The following GRID2 variants were observed in gnomAD, a reference collection of about 807,000 sequenced individuals.
GRID2 encodes glutamate ionotropic receptor delta type subunit 2.
GRID2 carries 33 observed loss-of-function variants against 114.8 expected under a neutral mutation model. The observed-to-expected ratio is 0.29, with a 90% CI of 0.22 to 0.38. GRID2 has a LOEUF of 0.38. GRID2 is among the 10% of genes least tolerant of loss of function. The pLI is 1.00. For missense variants in GRID2, 1,184 were observed against 1,257.7 expected (o/e 0.94, Z 0.89); for synonymous variants, 505 against 449.9 (o/e 1.12, Z -1.55).
At chr4:92,595,133 A>T (rs1728884964) in intron 2 of GRID2, among the ~76,000 whole-genome samples, 1 of 152,170 alleles carries the variant, frequency 6.6e-6, no homozygotes, top group Middle Eastern at 3.4e-3. Flanking sequence ...CCTAAAAATA[A>T]GCTGCATCGT....
rs1745284143 is a variant in GRID2, at chr4:93,224,697, C to T, written c.1047C>T (p.Ser349=). The part of the protein sequence containing the change: ...HKKLEDRKWH[S]MASLSCIRKN... ...AGCTGGAGGACCGAAAGTGGCACAGCATGGCAAGTCTGTCATGTATCAGAA... is the reference window on the plus strand; with the variant it reads ...AGCTGGAGGACCGAAAGTGGCACAGTATGGCAAGTCTGTCATGTATCAGAA... Residue 349 remains serine (S), a synonymous_variant, in exon 7 of 16, where the codon AGC becomes AGT. Coordinates refer to ENST00000282020, the MANE Select transcript of GRID2 (RefSeq NM_001510.4). The T allele has an allele frequency of 4.3e-6, 7 of 1,611,950 alleles. No homozygotes were observed. The highest frequency in any genetic ancestry group is 4.2e-6 in the Non-Finnish European group (5 of 1,178,294).
intron 2 of GRID2, among the ~76,000 whole-genome samples, chr4:93,025,206 T>C (rs949841007): frequency 1.3e-5 from 2 of 151,666 alleles, no homozygotes. Flanking sequence ...CAAATGTGTT[T>C]GGAAACATTT....
intron 2 of GRID2, among the ~76,000 whole-genome samples, chr4:92,776,872 G>T (rs1003447887): frequency 6.6e-6 from 1 of 151,910 alleles, no homozygotes; most frequent in East Asian, 1.9e-4. Context: ...AAGAACTAAA[G>T]AAATGCTTTT....
chr4:93,540,175 C>T (rs1279708295), intron 13 of GRID2, among the ~76,000 whole-genome samples: 1 of 151,904 alleles, frequency 6.6e-6, no homozygotes, highest in Non-Finnish European at 1.5e-5. Context: ...TTAACTTCAA[C>T]AGCACTTTAT....
chr4:92,721,132 G>T (rs1230983796), intron 2 of GRID2, among the ~76,000 whole-genome samples: 1 of 152,058 alleles, frequency 6.6e-6, no homozygotes, highest in African/African-American at 2.4e-5. Context: ...AGGTAAAATG[G>T]TAGTTGCCAA....
At chr4:93,018,600 C>G (rs562023975) in intron 2 of GRID2, among the ~76,000 whole-genome samples, 13 of 152,152 alleles carry the variant, frequency 8.5e-5, no homozygotes, top group African/African-American at 3.1e-4. Context: ...TAAAATAGCA[C>G]AATTCACCAG....
intron 1 of GRID2, among the ~76,000 whole-genome samples, chr4:92,573,388 C>A (rs1727725737): frequency 6.6e-6 from 1 of 151,866 alleles, no homozygotes; most frequent in South Asian, 2.1e-4. Flanking sequence ...TTCTCTAGTT[C>A]TTTTGTTGTG....
At chr4:93,205,436 C>T (rs1013138995) in intron 4 of GRID2, among the ~76,000 whole-genome samples, 1 of 152,002 alleles carries the variant, frequency 6.6e-6, no homozygotes, top group African/African-American at 2.4e-5. Flanking sequence ...CGATAGTTTG[C>T]TGAGAATGAT....
chr4:93,341,609 C>A (rs1759664372), intron 8 of GRID2, among the ~76,000 whole-genome samples: 1 of 152,192 alleles, frequency 6.6e-6, no homozygotes, highest in Non-Finnish European at 1.5e-5. Flanking sequence ...TAGGCGTGAG[C>A]CACTGTTCCC....
At chr4:92,657,466 C>T (rs1002920189) in intron 2 of GRID2, among the ~76,000 whole-genome samples, 13 of 151,560 alleles carry the variant, frequency 8.6e-5, no homozygotes, top group African/African-American at 9.7e-5. Context: ...AAGCAGATAG[C>T]GTCCTAGATC....
At chr4:92,682,682 G>GCACACACA (rs57217377) in intron 2 of GRID2, among the ~76,000 whole-genome samples, 4,703 of 142,730 alleles carry the variant, frequency 0.033, 66 homozygotes, top group Admixed American at 0.045. Context: ...AAATCGCAGG[G>GCACACACA]CACACACACA....
intron 2 of GRID2, among the ~76,000 whole-genome samples, chr4:93,033,348 A>G (rs543088356): frequency 6.6e-6 from 1 of 152,330 alleles, no homozygotes; most frequent in East Asian, 1.9e-4. Context: ...CACCGCAGGA[A>G]GAAGTACCTA....
intron 14 of GRID2, among the ~76,000 whole-genome samples, chr4:93,667,525 T>A (rs1053881463): frequency 3.3e-5 from 5 of 151,928 alleles, no homozygotes; most frequent in Non-Finnish European, 7.4e-5. Context: ...GGGCTTAAAT[T>A]ATCAAAAGAG....
At chr4:93,280,905 C>T (rs954168040) in intron 8 of GRID2, among the ~76,000 whole-genome samples, 19 of 151,924 alleles carry the variant, frequency 1.3e-4, no homozygotes, top group South Asian at 2.1e-4. Context: ...ACATCCAAAA[C>T]TCTGTTCTAG....
chr4:93,031,639 C>T (rs1423383348), intron 2 of GRID2, among the ~76,000 whole-genome samples: 7 of 152,044 alleles, frequency 4.6e-5, no homozygotes, highest in Admixed American at 2.6e-4. Flanking sequence ...AATTTCCCCA[C>T]ACAAATTCTC....
chr4:92,398,063 A>G (rs1183036471), intron 1 of GRID2, among the ~76,000 whole-genome samples: 1 of 152,168 alleles, frequency 6.6e-6, no homozygotes, highest in Non-Finnish European at 1.5e-5. Flanking sequence ...ACACAAAATA[A>G]TATATGCAGA....
At chr4:93,795,402 C>CT (rs1307311359) in intron 1 of GRID2, among the ~76,000 whole-genome samples, 1 of 151,638 alleles carries the variant, frequency 6.6e-6, no homozygotes, top group Non-Finnish European at 1.5e-5. Context: ...ACTTAATTTC[C>CT]ACCTTAATGA....
intron 8 of GRID2, among the ~76,000 whole-genome samples, chr4:93,379,822 T>C (rs1040178276): frequency 6.6e-6 from 1 of 152,044 alleles, no homozygotes; most frequent in Admixed American, 6.6e-5. Context: ...AACAGTTTGG[T>C]AAGTACTTTC....
chr4:93,194,175 A>G (rs897209495), intron 4 of GRID2, among the ~76,000 whole-genome samples: 10 of 152,200 alleles, frequency 6.6e-5, no homozygotes, highest in African/African-American at 1.9e-4. Flanking sequence ...TCTATACTCA[A>G]GGCTGATCTT....
Sources: allele counts gnomAD v4.1 joint callset (sites outside exome capture counted in the v4.1 genomes callset), GRCh38; gene constraint gnomAD v4.1.1; transcripts MANE v1.5; gene names NCBI Gene and HGNC (gene_info 2026-07-23, HGNC 2026-07-21).